The following NKAIN3 variants were observed in gnomAD, a reference collection of about 807,000 sequenced individuals.
The protein encoded by NKAIN3 is sodium/potassium transporting ATPase interacting 3.
A neutral mutation model predicts 30.2 loss-of-function variants in NKAIN3; 25 were observed. The ratio of observed to expected loss-of-function variants is 0.83; its 90% confidence interval spans 0.60 to 1.16. The LOEUF is 1.16. Among genes scored for constraint, NKAIN3 ranks in the 50% most tolerant of loss-of-function variants. The probability of loss-of-function intolerance (pLI) is 0.00; values close to 1 mark genes in which losing one functional copy is unlikely to be tolerated. For synonymous variants in NKAIN3, 91 were observed against 89.6 expected, an observed-to-expected ratio of 1.02 and a Z score of -0.09; for missense variants, 225 against 254.1, an observed-to-expected ratio of 0.89 and a Z score of 0.78.
intron 1 of NKAIN3, among the ~76,000 whole-genome samples, chr8:62,288,162 T>C (rs1241937409): frequency 6.6e-6 from 1 of 152,186 alleles, no homozygotes; most frequent in African/African-American, 2.4e-5. Context: ...TCTATATACA[T>C]GTCCTGCGTG....
At chr8:62,702,072 C>T (rs1382229185) in intron 3 of NKAIN3, among the ~76,000 whole-genome samples, 3 of 152,190 alleles carry the variant, frequency 2.0e-5, no homozygotes, top group African/African-American at 7.2e-5. Flanking sequence ...GTTCTTTATA[C>T]TCTCGTCCTC....
intron 4 of NKAIN3, among the ~76,000 whole-genome samples, chr8:62,883,459 T>TGTTTTTTTG (rs1554588081): frequency 1.3e-5 from 1 of 78,378 alleles, no homozygotes; most frequent in East Asian, 1.3e-3. Flanking sequence ...TTTTATGGGT[T>TGTTTTTTTG]TTTTTTTTTT....
Position 62,739,560 on chromosome 8 carries a change from A to C in NKAIN3, c.274-7372A>C, listed in dbSNP as rs944075932. Among the ~76,000 whole-genome samples, 6 of 152,202 alleles carry C rather than the reference A, an allele frequency of 3.9e-5. No homozygotes were observed. In the East Asian group the frequency reaches 1.2e-3, roughly 29 times the overall value. Reference sequence around the variant, plus strand: ...AGTTAGTATGAGTTTATTTTGGTGCAAAAAAATTGAAATCCATGCATAGGT... The same window carrying C: ...AGTTAGTATGAGTTTATTTTGGTGCCAAAAAATTGAAATCCATGCATAGGT... On this transcript the variant is annotated intron_variant, in intron 3 of 6. Transcript: ENST00000623646.
At chr8:62,453,210 G>C (rs1331704783) in intron 1 of NKAIN3, among the ~76,000 whole-genome samples, 1 of 151,688 alleles carries the variant, frequency 6.6e-6, no homozygotes, top group Non-Finnish European at 1.5e-5. Flanking sequence ...CTTTTTTTGA[G>C]GTACCATATG....
chr8:62,952,759 C>T (rs1823319708), intron 5 of NKAIN3, among the ~76,000 whole-genome samples: 1 of 152,104 alleles, frequency 6.6e-6, no homozygotes, highest in Non-Finnish European at 1.5e-5. Flanking sequence ...GACATATCTC[C>T]TCACAAAAGC....
rs142251222 is a variant in NKAIN3 at position 62,471,327 on chromosome 8, C to A, written c.55-108212C>A. Among the ~76,000 whole-genome samples, 286 of 151,936 alleles carry A rather than the reference C, an allele frequency of 1.9e-3. 1 individual carries two copies. Among genetic ancestry groups the A allele is most frequent in the Middle Eastern group, 6.8e-3 (2 of 292 alleles). Reference sequence around the variant, plus strand: ...TCTAAAAAAAAAAAATGATCTGGAGCAAATTGCAATATGTTAACATCTGTT... The same window carrying A: ...TCTAAAAAAAAAAAATGATCTGGAGAAAATTGCAATATGTTAACATCTGTT... On this transcript the variant is annotated intron_variant, in intron 1 of 6. Transcript: ENST00000623646.
intron 3 of NKAIN3, among the ~76,000 whole-genome samples, chr8:62,731,423 TTAC>T (rs779838331): frequency 6.6e-6 from 1 of 152,202 alleles, no homozygotes; most frequent in Non-Finnish European, 1.5e-5. Flanking sequence ...ATTGATGTGA[TTAC>T]TTATTGTTTT....
At chr8:62,851,629 C>T (rs976932784) in intron 4 of NKAIN3, among the ~76,000 whole-genome samples, 4 of 152,010 alleles carry the variant, frequency 2.6e-5, no homozygotes, top group African/African-American at 9.7e-5. Context: ...GAGGTACATC[C>T]CATCAATACC....
intron 3 of NKAIN3, among the ~76,000 whole-genome samples, chr8:62,592,616 T>G (rs1810688419): frequency 6.6e-6 from 1 of 152,136 alleles, no homozygotes; most frequent in South Asian, 2.1e-4. Flanking sequence ...AATGACTATA[T>G]GAAATGTAAA....
chr8:62,862,455 A>AAG (rs1483729618), intron 4 of NKAIN3, among the ~76,000 whole-genome samples: 2 of 152,150 alleles, frequency 1.3e-5, no homozygotes, highest in African/African-American at 2.4e-5. Flanking sequence ...GTTTCTTGAA[A>AAG]AGAGCATCAT....
chr8:62,646,455 G>A (rs932944551), intron 3 of NKAIN3, among the ~76,000 whole-genome samples: 1 of 152,104 alleles, frequency 6.6e-6, no homozygotes, highest in South Asian at 2.1e-4. Flanking sequence ...TAGTGCAGAA[G>A]ATGATATGCT....
At chr8:62,325,301 A>C (rs1389084593) in intron 1 of NKAIN3, among the ~76,000 whole-genome samples, 2 of 152,102 alleles carry the variant, frequency 1.3e-5, no homozygotes, top group East Asian at 3.9e-4. Flanking sequence ...TTGCTACAAG[A>C]GACATTATTT....
intron 5 of NKAIN3, among the ~76,000 whole-genome samples, chr8:62,994,987 T>C (rs1171330540): frequency 6.6e-6 from 1 of 152,194 alleles, no homozygotes; most frequent in Non-Finnish European, 1.5e-5. Flanking sequence ...AGTAGGACTT[T>C]GATGATACTC....
At chr8:62,294,593 A>C (rs551599254) in intron 1 of NKAIN3, among the ~76,000 whole-genome samples, 109 of 152,254 alleles carry the variant, frequency 7.2e-4, no homozygotes, top group African/African-American at 2.5e-3. Context: ...TATCACCCAG[A>C]TAGGTGTGCA....
chr8:62,298,838 TTAA>T (rs1034217765), intron 1 of NKAIN3, among the ~76,000 whole-genome samples: 1 of 149,508 alleles, frequency 6.7e-6, no homozygotes, highest in African/African-American at 2.4e-5. Flanking sequence ...AATACATATA[TTAA>T]TAATTATATT....
At chr8:62,655,606 A>G (rs186041536) in intron 3 of NKAIN3, among the ~76,000 whole-genome samples, 49 of 152,266 alleles carry the variant, frequency 3.2e-4, no homozygotes, top group Middle Eastern at 6.8e-3. Flanking sequence ...ATAACTTCCA[A>G]ATTTCTAATT....
chr8:62,845,964 C>A (rs952674929), intron 4 of NKAIN3, among the ~76,000 whole-genome samples: 3 of 152,132 alleles, frequency 2.0e-5, no homozygotes, highest in African/African-American at 7.2e-5. Flanking sequence ...CTACACAGAA[C>A]TAACCAGAGA....
At position 62,984,124 on chromosome 8, in the gene NKAIN3, A is replaced by G. The variant is rs897504749; in HGVS notation, c.*18717A>G. 1 of 152,324 alleles carries G rather than the reference A, an allele frequency of 6.6e-6. No homozygotes were observed. The highest frequency in any genetic ancestry group is 2.4e-5 in the African/African-American group (1 of 41,580). The allele number at this position is 152,324 out of a possible 1,614,324, so 9.4% of individuals were successfully genotyped here. A position where few individuals can be genotyped will look rare whatever the true frequency, so the allele number is the denominator to read the frequency against. On this transcript the variant is annotated 3_prime_UTR_variant, in exon 7 of 7. Transcript: ENST00000623646. ...CTTTATTATTATGTTGATGATGATTATTGAAAGCACGATAGCAATGTTTAA... is the reference window on the plus strand; with the variant it reads ...CTTTATTATTATGTTGATGATGATTGTTGAAAGCACGATAGCAATGTTTAA...
chr8:62,948,596 T>C (rs960844674), intron 5 of NKAIN3, among the ~76,000 whole-genome samples: 1 of 152,228 alleles, frequency 6.6e-6, no homozygotes, highest in African/African-American at 2.4e-5. Flanking sequence ...ATTCTACATT[T>C]TTCTGTGTAT....
Sources: gnomAD v4.1 joint callset for allele counts (sites outside exome capture counted in the v4.1 genomes callset) on GRCh38, gnomAD v4.1.1 for gene constraint, MANE v1.5 for transcripts, NCBI Gene and HGNC (gene_info 2026-07-23, HGNC 2026-07-21) for gene names.